The following CTDSPL variants were observed in gnomAD, a reference collection of about 807,000 sequenced individuals.
CTDSPL encodes CTD small phosphatase-like protein.
Under a neutral mutation model 30.5 loss-of-function variants are expected in CTDSPL, and 8 were observed. That is an observed-to-expected ratio of 0.26 (90% CI 0.15 to 0.47). The LOEUF is 0.47. CTDSPL is among the 20% of genes least tolerant of loss of function. CTDSPL has a pLI of 0.99. For missense variants in CTDSPL, 248 were observed against 366.1 expected, an observed-to-expected ratio of 0.68 and a Z score of 2.63; for synonymous variants, 110 against 137.9, an observed-to-expected ratio of 0.80 and a Z score of 1.42.
chr3:37,974,447 A>G (rs966046643), intron 6 of CTDSPL, among the ~76,000 whole-genome samples: 1 of 152,198 alleles, frequency 6.6e-6, no homozygotes, highest in Admixed American at 6.5e-5. Flanking sequence ...CCTCCCTGGC[A>G]GAGTCACTGG....
intron 6 of CTDSPL, among the ~76,000 whole-genome samples, chr3:37,973,540 C>T (rs537653538): frequency 2.6e-5 from 4 of 152,348 alleles, no homozygotes; most frequent in South Asian, 2.1e-4. Context: ...CCTCTTTCCT[C>T]GCTGAGGTAC....
intron 1 of CTDSPL, among the ~76,000 whole-genome samples, chr3:37,945,064 G>T (rs1390719803): frequency 6.7e-6 from 1 of 150,336 alleles, no homozygotes; most frequent in East Asian, 1.9e-4. Context: ...TCTGCAGACT[G>T]CTCAGTGTCT....
intron 1 of CTDSPL, among the ~76,000 whole-genome samples, chr3:37,890,301 T>C (rs970222935): frequency 5.9e-5 from 9 of 152,180 alleles, no homozygotes; most frequent in Non-Finnish European, 1.2e-4. Flanking sequence ...GTAAGGGAGT[T>C]GTACAAGGGA....
chr3:37,957,175 AAC>A lies in CTDSPL; in HGVS notation c.267+34_267+35del, dbSNP rs758152952. The A allele has an allele frequency of 8.1e-6, 12 of 1,477,942 alleles. No individual in the cohort carries two copies. In the Admixed American group the frequency reaches 1.8e-4, roughly 22 times the overall value. 91.6% of individuals were successfully genotyped at this position (1,477,942 alleles called of 1,614,324 possible). On this transcript the variant is annotated intron_variant, in intron 3 of 7. Transcript: ENST00000273179. ...ATATTTATCTAATTTTATTTATTAA[AAC>A]AGTCATAAAATCTTGTGGCTTTGGG...
chr3:37,886,948 T>C lies in CTDSPL; in HGVS notation c.79+24670T>C, dbSNP rs186557343. ...TTTCAGATCATCCTTTGAGAAAATC[T>C]GCTTTAGAGCTCATTCTTTGGTTCG... On this transcript the variant is annotated intron_variant, in intron 1 of 7. Transcript: ENST00000273179. 2.0e-5 allele frequency among the ~76,000 whole-genome samples: 3 copies of C among 152,316 alleles called. No individual in the cohort carries two copies. The East Asian group carries it at 5.8e-4, about 29-fold the overall frequency.
chr3:37,896,275 C>T lies in CTDSPL; in HGVS notation c.79+33997C>T, dbSNP rs528034198. Among the ~76,000 whole-genome samples the T allele has an allele frequency of 2.6e-5, 4 of 152,058 alleles. No homozygotes were observed. The East Asian group carries it at 5.8e-4, about 22-fold the overall frequency. On this transcript the variant is annotated intron_variant, in intron 1 of 7. Transcript: ENST00000273179. ...CTGGGGTGTTGTTCAGTAGAATAAG[C>T]GCATATTAGGTTTGAGGAGCCACGG... is the stretch of plus-strand genomic sequence containing the variant.
chr3:37,863,193 G>C (rs574647608), intron 1 of CTDSPL, among the ~76,000 whole-genome samples: 98 of 152,298 alleles, frequency 6.4e-4, no homozygotes, highest in African/African-American at 2.2e-3. Context: ...CCCTTCCAGG[G>C]CCCTTTTAGG....
At chr3:37,920,255 C>G (rs73058929) in intron 1 of CTDSPL, among the ~76,000 whole-genome samples, 2,818 of 152,288 alleles carry the variant, frequency 0.019, 33 homozygotes, top group Non-Finnish European at 0.028. Context: ...CAGAACCAGC[C>G]TGGACTGTTG....
intron 1 of CTDSPL, among the ~76,000 whole-genome samples, chr3:37,887,332 T>A (rs1698274845): frequency 6.6e-6 from 1 of 152,124 alleles, no homozygotes; most frequent in African/African-American, 2.4e-5. Context: ...AAACCCAAAC[T>A]GTCTGCACCC....
intron 1 of CTDSPL, among the ~76,000 whole-genome samples, chr3:37,946,741 CA>C (rs1268468372): frequency 1.3e-5 from 2 of 152,104 alleles, no homozygotes; most frequent in African/African-American, 4.8e-5. Flanking sequence ...CTGCTAGGTT[CA>C]GGAATGCAGA....
chr3:37,939,889 C>G (rs1304852793), intron 1 of CTDSPL, among the ~76,000 whole-genome samples: 1 of 150,102 alleles, frequency 6.7e-6, no homozygotes, highest in African/African-American at 2.4e-5. Context: ...GTCAGGAGTT[C>G]AAGACCAGCC....
At chr3:37,894,981 T>C (rs956784709) in intron 1 of CTDSPL, among the ~76,000 whole-genome samples, 1 of 152,236 alleles carries the variant, frequency 6.6e-6, no homozygotes, top group Admixed American at 6.5e-5. Flanking sequence ...ACAATTATAA[T>C]AGCTATTTTA....
intron 5 of CTDSPL, 26 bp from the exon 6 acceptor site, chr3:37,971,381 C>T: frequency 6.2e-7 from 1 of 1,607,774 alleles, no homozygotes; most frequent in African/African-American, 1.3e-5. Flanking sequence ...CACATCTGAC[C>T]AGCCTGCTGT....
chr3:37,963,343 A>G (rs1204425825), intron 3 of CTDSPL, among the ~76,000 whole-genome samples: 2 of 152,222 alleles, frequency 1.3e-5, no homozygotes, highest in Non-Finnish European at 1.5e-5. Flanking sequence ...TACATTTACT[A>G]TTGAACCAGC....
intron 1 of CTDSPL, among the ~76,000 whole-genome samples, chr3:37,927,857 C>G (rs900400146): frequency 9.2e-5 from 14 of 151,980 alleles, no homozygotes; most frequent in Non-Finnish European, 1.8e-4. Flanking sequence ...TCCCCCTCCT[C>G]CCAGCCCTTG....
chr3:37,918,735 A>T (rs2125609087), intron 1 of CTDSPL, among the ~76,000 whole-genome samples: 1 of 152,216 alleles, frequency 6.6e-6, no homozygotes, highest in Admixed American at 6.5e-5. Context: ...TTTGCATCTG[A>T]TACAGGCTTA....
intron 3 of CTDSPL, among the ~76,000 whole-genome samples, chr3:37,959,171 G>T (rs1699208245): frequency 6.6e-6 from 1 of 152,200 alleles, no homozygotes; most frequent in Non-Finnish European, 1.5e-5. Context: ...AGCCTGTGGT[G>T]ACCAGAGCAG....
chr3:37,881,053 A>G (rs984260657), intron 1 of CTDSPL, among the ~76,000 whole-genome samples: 2 of 151,670 alleles, frequency 1.3e-5, no homozygotes, highest in Non-Finnish European at 2.9e-5. Context: ...AAAGAAATGT[A>G]CTGTGGCTCC....
intron 1 of CTDSPL, among the ~76,000 whole-genome samples, chr3:37,908,039 G>A (rs1324076825): frequency 6.6e-6 from 1 of 152,222 alleles, no homozygotes; most frequent in Non-Finnish European, 1.5e-5. Context: ...AGTTCAGTTT[G>A]CATGGGCTTC....
Sources: gnomAD v4.1 joint callset for allele counts (sites outside exome capture counted in the v4.1 genomes callset) on GRCh38, gnomAD v4.1.1 for gene constraint, MANE v1.5 for transcripts, NCBI Gene and HGNC (gene_info 2026-07-23, HGNC 2026-07-21) for gene names.